The following PIP5K1C variants were observed in gnomAD, a reference collection of about 807,000 sequenced individuals.
PIP5K1C encodes phosphatidylinositol-4-phosphate 5-kinase type 1 gamma.
Under a neutral mutation model 80.1 loss-of-function variants are expected in PIP5K1C, and 45 were observed. That is an observed-to-expected ratio of 0.56 (90% CI 0.44 to 0.72). The LOEUF is 0.72. Among genes scored for constraint, PIP5K1C ranks in the 30% least tolerant of loss-of-function variants. PIP5K1C has a pLI of 0.00. For synonymous variants in PIP5K1C, 498 were observed against 420.1 expected (o/e 1.19, Z -2.27); for missense variants, 753 against 954.6 (o/e 0.79, Z 2.78).
rs3826944 is a variant in PIP5K1C, at chr19:3,660,946, G to T, written c.468+20C>A. 1.9e-6 allele frequency: 3 copies of T among 1,591,044 alleles called. No individual in the cohort carries two copies. The Admixed American group carries it at 5.0e-5, about 27-fold the overall frequency. ...TGTTCTGTTTCAAGCCTGGAAGCCC[G>T]TAACAGCAAATATGCTTACCAAGTA... On this transcript the variant is annotated intron_variant, in intron 5 of 17. Transcript: ENST00000335312.
chr19:3,664,191 G>A (rs1257922850), intron 3 of PIP5K1C, among the ~76,000 whole-genome samples: 3 of 152,230 alleles, frequency 2.0e-5, no homozygotes, highest in Non-Finnish European at 4.4e-5. Flanking sequence ...CGCAGGAAAG[G>A]GATGTGGGTG....
rs2035861105 is a variant in PIP5K1C, at chr19:3,688,958, T to TTG, written c.94+11338_94+11339insCA. Among the ~76,000 whole-genome samples the TTG allele has an allele frequency of 6.8e-6, 1 of 145,996 alleles. No homozygotes were observed. Among genetic ancestry groups the TTG allele is most frequent in the South Asian group, 2.3e-4 (1 of 4,376 alleles). On this transcript the variant is annotated intron_variant, in intron 1 of 17. Transcript: ENST00000335312. The surrounding 1 kb of genome is among the most constrained non-coding windows in gnomAD (Gnocchi z 5.3). ...GAGTGCCCGGGATGGGGCTGGGGGG[T>TTG]GGGGGGGGCTTGGCGCACGCGGCCT... is the stretch of plus-strand genomic sequence containing the variant.
At chr19:3,660,858 A>C in intron 5 of PIP5K1C, 108 bp downstream of exon 5, 1 of 829,580 alleles carries the variant, frequency 1.2e-6, no homozygotes, top group African/African-American at 1.7e-5. Flanking sequence ...ATAACCCTAC[A>C]CGAGGAACCC....
Position 3,694,569 on chromosome 19 carries a change from C to A in PIP5K1C, c.94+5728G>T, listed in dbSNP as rs1479000844. Among the ~76,000 whole-genome samples the A allele has an allele frequency of 2.6e-5, 4 of 152,378 alleles. No homozygotes were observed. In the East Asian group the frequency reaches 7.7e-4, roughly 29 times the overall value. On this transcript the variant is annotated intron_variant, in intron 1 of 17. Transcript: ENST00000335312. ...AGAGCACTGCCCACGGACCATCCCC[C>A]ACCAGGCGCTGTGAATCGGGCTCGC...
chr19:3,652,870 G>T (rs951186348), intron 7 of PIP5K1C, among the ~76,000 whole-genome samples: 8 of 152,146 alleles, frequency 5.3e-5, no homozygotes, highest in Non-Finnish European at 8.8e-5. Flanking sequence ...TCTCTGGGGG[G>T]TGGGGGGACT....
intron 9 of PIP5K1C, 52 bp from the exon 10 acceptor site, chr19:3,647,438 G>C (rs763457813): frequency 2.7e-6 from 4 of 1,498,420 alleles, no homozygotes; most frequent in Non-Finnish European, 3.6e-6. Context: ...GCCCATGCCA[G>C]GCCACCTCAC....
chr19:3,644,819 GTGTGAGCTCTGCCTCCTCACCAAGCTCT>G (rs2034144905), intron 11 of PIP5K1C, among the ~76,000 whole-genome samples: 1 of 152,018 alleles, frequency 6.6e-6, no homozygotes, highest in Non-Finnish European at 1.5e-5. Flanking sequence ...CCTCAGTGCT[GTGTGAGCTCTGCCTCCTCACCAAGCTCT>G]TGTGACCTCT....
Position 3,684,719 on chromosome 19 carries a change from G to A in PIP5K1C, c.94+15578C>T, listed in dbSNP as rs376090012. Among the ~76,000 whole-genome samples the A allele has an allele frequency of 2.6e-5, 4 of 152,346 alleles. No individual in the cohort carries two copies. In the East Asian group the frequency reaches 5.8e-4, roughly 22 times the overall value. On this transcript the variant is annotated intron_variant, in intron 1 of 17. Transcript: ENST00000335312. ...ATAATCCACGAATCCCACCACAGAC[G>A]CACCCAGAGCGGGACCACCACCTGC...
At position 3,699,404 on chromosome 19, in the gene PIP5K1C, A is replaced by G. The variant is rs1163420531; in HGVS notation, c.94+893T>C. Among the ~76,000 whole-genome samples, 3 of 152,082 alleles carry G rather than the reference A, an allele frequency of 2.0e-5. No individual in the cohort carries two copies. In the East Asian group the frequency reaches 5.8e-4, roughly 29 times the overall value. ...GACATCTCCCCAACTCCCAGGCAGC[A>G]CGCATCGCCCGCCCGCCCGCTTGCC... is the stretch of plus-strand genomic sequence containing the variant. On this transcript the variant is annotated intron_variant, in intron 1 of 17. Coordinates refer to ENST00000335312, the MANE Select transcript of PIP5K1C (RefSeq NM_012398.3).
intron 5 of PIP5K1C, among the ~76,000 whole-genome samples, chr19:3,659,222 C>T (rs1345442050): frequency 1.3e-5 from 2 of 152,234 alleles, no homozygotes; most frequent in Non-Finnish European, 2.9e-5. Flanking sequence ...CCCGCTGTGG[C>T]ACACGGCCAC....
Position 3,632,349 on chromosome 19 carries a change from C to T in PIP5K1C, c.*818G>A, listed in dbSNP as rs1232019345. 6.6e-6 allele frequency: 1 copy of T among 152,366 alleles called. No individual in the cohort carries two copies. Among genetic ancestry groups the T allele is most frequent in the Non-Finnish European group, 1.5e-5 (1 of 68,156 alleles). The allele number at this position is 152,366 out of a possible 1,614,324, so 9.4% of individuals were successfully genotyped here. ...AAAACGTCTCCGTTGCCTGGGCCCT[C>T]CATGCCAGTTGCTGAGTGGCCTACG... On this transcript the variant is annotated 3_prime_UTR_variant, in exon 18 of 18. Coordinates refer to ENST00000335312, the MANE Select transcript of PIP5K1C (RefSeq NM_012398.3).
intron 1 of PIP5K1C, among the ~76,000 whole-genome samples, chr19:3,689,219 G>A (rs372651453): frequency 2.0e-5 from 3 of 152,054 alleles, no homozygotes; most frequent in East Asian, 3.9e-4. Context: ...AAATAAAAAC[G>A]AACATACAAC....
chr19:3,656,564 G>A lies in PIP5K1C; in HGVS notation c.469-7C>T, dbSNP rs1475018999. ...GCTCATTGCACAGGGAGTACTGGAAGCAGAGGAGGCGGGTCAGCGGGCCCC... is the reference window on the plus strand; with the variant it reads ...GCTCATTGCACAGGGAGTACTGGAAACAGAGGAGGCGGGTCAGCGGGCCCC... On this transcript the variant is annotated splice_polypyrimidine_tract_variant and splice_region_variant and intron_variant, in intron 5 of 17. Transcript: ENST00000335312. 3.7e-6 allele frequency: 6 copies of A among 1,613,294 alleles called. No homozygotes were observed. Among genetic ancestry groups the A allele is most frequent in the Non-Finnish European group, 5.1e-6 (6 of 1,179,892 alleles).
At chr19:3,669,296 T>C (rs546759057) in intron 1 of PIP5K1C, among the ~76,000 whole-genome samples, 1 of 152,294 alleles carries the variant, frequency 6.6e-6, no homozygotes, top group East Asian at 1.9e-4. Context: ...CTCCCTGCTC[T>C]GGGCTGGGCA....
chr19:3,697,312 T>C lies in PIP5K1C; in HGVS notation c.94+2985A>G, dbSNP rs573648027. ...AGGACCGAGCCGGATGGAGGAGGACTGGGCCGGACGGAGGAGGACCGAGCT... is the reference window on the plus strand; with the variant it reads ...AGGACCGAGCCGGATGGAGGAGGACCGGGCCGGACGGAGGAGGACCGAGCT... On this transcript the variant is annotated intron_variant, in intron 1 of 17. Coordinates refer to ENST00000335312, the MANE Select transcript of PIP5K1C (RefSeq NM_012398.3). Among the ~76,000 whole-genome samples, 34 of 133,068 alleles carry C rather than the reference T, an allele frequency of 2.6e-4. No homozygotes were observed. The South Asian group carries it at 6.3e-3, about 24-fold the overall frequency. 87.3% of individuals were successfully genotyped at this position (133,068 alleles called of 152,430 possible). A position where few individuals can be genotyped will look rare whatever the true frequency, so the allele number is the denominator to read the frequency against.
intron 15 of PIP5K1C, among the ~76,000 whole-genome samples, chr19:3,641,142 G>A (rs971322689): frequency 2.6e-5 from 4 of 151,996 alleles, no homozygotes; most frequent in African/African-American, 7.2e-5. Context: ...TTGAACCTGG[G>A]AGACGGAGGC....
At chr19:3,668,911 GATA>G (rs2035109889) in intron 1 of PIP5K1C, among the ~76,000 whole-genome samples, 1 of 152,204 alleles carries the variant, frequency 6.6e-6, no homozygotes. Context: ...ACGCTGCACG[GATA>G]ACAGCAGCGT....
In PIP5K1C at chr19:3,633,049, C is replaced by A; in HGVS notation, c.*118G>T. 3.0e-6 allele frequency: 2 copies of A among 668,756 alleles called. No homozygotes were observed. Among genetic ancestry groups the A allele is most frequent in the Non-Finnish European group, 5.6e-6 (2 of 360,128 alleles). The allele number at this position is 668,756 out of a possible 1,614,324, so 41.4% of individuals were successfully genotyped here. On this transcript the variant is annotated 3_prime_UTR_variant, in exon 18 of 18. Transcript: ENST00000335312. ...ATCCGTGCAGGGGGAGGACGAGGTC[C>A]GGTGGGGCGGCGAGGCGGGCATCTC...
intron 16 of PIP5K1C, chr19:3,636,967 G>C (rs1277525707): frequency 9.8e-7 from 1 of 1,020,384 alleles, no homozygotes; most frequent in Non-Finnish European, 1.2e-6. Context: ...TGGGGATCTG[G>C]ATTTTGACTA....
Sources: allele counts gnomAD v4.1 joint callset (sites outside exome capture counted in the v4.1 genomes callset), GRCh38; gene constraint gnomAD v4.1.1; non-coding constraint Gnocchi (gnomAD v3.1); transcripts MANE v1.5; gene names NCBI Gene and HGNC (gene_info 2026-07-23, HGNC 2026-07-21).